Variants in UNC5D observed in about 807,000 individuals in gnomAD.
UNC5D encodes netrin receptor UNC5D.
A neutral mutation model predicts 105.4 loss-of-function variants in UNC5D; 39 were observed. The observed-to-expected ratio is 0.37, with a 90% CI of 0.29 to 0.48. The LOEUF is 0.48. Ranked by LOEUF, UNC5D falls within the 20% of genes least tolerant of loss-of-function variation. The pLI is 0.98. For missense variants in UNC5D, 991 were observed against 1,202.4 expected (o/e 0.82, Z 2.60); for synonymous variants, 452 against 450.4 (o/e 1.00, Z -0.04).
chr8:35,267,167 A>G (rs966424579), intron 1 of UNC5D, among the ~76,000 whole-genome samples: 18 of 151,354 alleles, frequency 1.2e-4, no homozygotes, highest in Non-Finnish European at 1.6e-4. Flanking sequence ...TAAATTTTGC[A>G]AGTGTAATCA....
At chr8:35,443,382 CAG>C (rs985165249) in intron 1 of UNC5D, among the ~76,000 whole-genome samples, 5 of 151,540 alleles carry the variant, frequency 3.3e-5, no homozygotes, top group African/African-American at 9.7e-5. Context: ...AATGCTGAAT[CAG>C]GGGGCAGCCA....
intron 1 of UNC5D, among the ~76,000 whole-genome samples, chr8:35,453,760 CAT>C (rs1347930536): frequency 1.3e-5 from 2 of 152,086 alleles, no homozygotes; most frequent in Non-Finnish European, 2.9e-5. Flanking sequence ...TACTTTCAAA[CAT>C]GTGTTTCTAA....
intron 3 of UNC5D, among the ~76,000 whole-genome samples, chr8:35,575,641 A>G (rs1818040194): frequency 6.6e-6 from 1 of 152,184 alleles, no homozygotes; most frequent in South Asian, 2.1e-4. Context: ...GGCATGGAAC[A>G]TAATATTAAG....
intron 1 of UNC5D, among the ~76,000 whole-genome samples, chr8:35,371,294 A>C (rs1252279332): frequency 6.6e-6 from 1 of 152,102 alleles, no homozygotes; most frequent in Non-Finnish European, 1.5e-5. Context: ...TTGGATTGCC[A>C]CCTCTTAATC....
rs191856432 is a variant in UNC5D at position 35,414,284 on chromosome 8, T to C, written c.104-135008T>C. ...TCCTTTGTGTGCTCTTGAATACTTA[T>C]GCTGTACCTTAGTGCAGGATTTTAG... On this transcript the variant is annotated intron_variant, in intron 1 of 16. Transcript: ENST00000404895. Among the ~76,000 whole-genome samples the C allele has an allele frequency of 9.9e-5, 15 of 152,284 alleles. No homozygotes were observed. In the East Asian group the frequency reaches 2.7e-3, roughly 27 times the overall value.
intron 4 of UNC5D, among the ~76,000 whole-genome samples, chr8:35,646,795 A>C (rs529982508): frequency 3.3e-5 from 5 of 152,272 alleles, no homozygotes; most frequent in African/African-American, 1.2e-4. Context: ...GAAAAAGAGC[A>C]GTATTAATTT....
intron 1 of UNC5D, among the ~76,000 whole-genome samples, chr8:35,432,080 T>C (rs1459794873): frequency 6.6e-6 from 1 of 152,138 alleles, no homozygotes; most frequent in East Asian, 1.9e-4. Flanking sequence ...GGAGTCAGTA[T>C]ACCTGAGTTG....
At chr8:35,748,475 A>C (rs1830107578) in intron 11 of UNC5D, 52 bp from the exon 12 acceptor site, 3 of 1,541,528 alleles carry the variant, frequency 1.9e-6, no homozygotes, top group Non-Finnish European at 2.6e-6. Context: ...TCATTCAAAT[A>C]TGGCCCCTCC....
chr8:35,306,908 G>A lies in UNC5D; in HGVS notation c.103+71021G>A, dbSNP rs561907118. ...CTGTTTCATTGTTATTTTTCTTGTT[G>A]TATTTAGTTTGTCATTTGAGATTTC... is the stretch of plus-strand genomic sequence containing the variant. On this transcript the variant is annotated intron_variant, in intron 1 of 16. Coordinates refer to ENST00000404895, the MANE Select transcript of UNC5D (RefSeq NM_080872.4). 9.9e-5 allele frequency among the ~76,000 whole-genome samples: 15 copies of A among 152,132 alleles called. 1 individual carries two copies. In the South Asian group the frequency reaches 2.5e-3, roughly 25 times the overall value.
chr8:35,634,101 A>G lies in UNC5D; in HGVS notation c.570+38444A>G, dbSNP rs534927235. Among the ~76,000 whole-genome samples the G allele has an allele frequency of 2.8e-4, 42 of 152,338 alleles. No homozygotes were observed. In the South Asian group the frequency reaches 7.9e-3, roughly 29 times the overall value. The stretch of plus-strand genomic sequence containing the variant: ...AGCCTGTGTGATCTTTAGGTTTCAC[A>G]TCGTAGTCCAGTTAATGTCTATCTC... On this transcript the variant is annotated intron_variant, in intron 4 of 16. Transcript: ENST00000404895.
chr8:35,473,707 T>G (rs1563452556), intron 1 of UNC5D, among the ~76,000 whole-genome samples: 1 of 152,178 alleles, frequency 6.6e-6, no homozygotes, highest in Non-Finnish European at 1.5e-5. Flanking sequence ...AGGCATTAAG[T>G]AAAAATCTAA....
At chr8:35,636,737 G>T (rs1300543221) in intron 4 of UNC5D, among the ~76,000 whole-genome samples, 1 of 152,120 alleles carries the variant, frequency 6.6e-6, no homozygotes, top group Non-Finnish European at 1.5e-5. Context: ...CTTCCTTTCT[G>T]TTCTCACAAG....
chr8:35,328,487 T>A (rs1810347708), intron 1 of UNC5D, among the ~76,000 whole-genome samples: 2 of 152,214 alleles, frequency 1.3e-5, no homozygotes, highest in African/African-American at 4.8e-5. Flanking sequence ...TTTTCCTTTA[T>A]GAACTAATAG....
chr8:35,786,392 T>G (rs1267758354), intron 16 of UNC5D, among the ~76,000 whole-genome samples: 2 of 152,162 alleles, frequency 1.3e-5, no homozygotes, highest in African/African-American at 4.8e-5. Flanking sequence ...TCATTTAGCT[T>G]CGTTTAGCCG....
chr8:35,571,402 G>A (rs936509512), intron 3 of UNC5D, among the ~76,000 whole-genome samples: 3 of 152,212 alleles, frequency 2.0e-5, no homozygotes, highest in Admixed American at 6.5e-5. Context: ...CATGTAGCAA[G>A]TGAGAGGTTT....
chr8:35,608,226 A>T (rs1384764340), intron 4 of UNC5D, among the ~76,000 whole-genome samples: 1 of 152,208 alleles, frequency 6.6e-6, no homozygotes, highest in Non-Finnish European at 1.5e-5. Flanking sequence ...TTTCAGACAC[A>T]GACTAGCTGA....
At chr8:35,777,328 G>A (rs1266267249) in intron 16 of UNC5D, among the ~76,000 whole-genome samples, 3 of 152,228 alleles carry the variant, frequency 2.0e-5, no homozygotes, top group Non-Finnish European at 4.4e-5. Context: ...AGGATTGCTT[G>A]AGCCCAGGAG....
At chr8:35,354,752 T>G (rs1801453363) in intron 1 of UNC5D, among the ~76,000 whole-genome samples, 1 of 152,090 alleles carries the variant, frequency 6.6e-6, no homozygotes, top group Non-Finnish European at 1.5e-5. Flanking sequence ...TTTATGTAGG[T>G]CAGGATTTTC....
chr8:35,617,383 G>C (rs1040101783), intron 4 of UNC5D, among the ~76,000 whole-genome samples: 21 of 152,194 alleles, frequency 1.4e-4, no homozygotes, highest in Non-Finnish European at 1.5e-5. Flanking sequence ...GAGACCTGCA[G>C]AATGAGCACC....
Sources: allele counts gnomAD v4.1 joint callset (sites outside exome capture counted in the v4.1 genomes callset), GRCh38; gene constraint gnomAD v4.1.1; transcripts MANE v1.5; gene names NCBI Gene and HGNC (gene_info 2026-07-23, HGNC 2026-07-21).